NLRP11: variants seen among roughly 807,000 people sequenced by gnomAD.
The protein encoded by NLRP11 is NLR family pyrin domain containing 11.
In NLRP11, 53 loss-of-function variants were observed where a neutral mutation model predicts 79.3. The observed-to-expected ratio is 0.67, with a 90% CI of 0.54 to 0.84. The LOEUF (loss-of-function observed/expected upper bound fraction) is 0.84. NLRP11 is among the 40% of genes least tolerant of loss of function. The probability of loss-of-function intolerance (pLI) is 0.00; values close to 1 mark genes in which losing one functional copy is unlikely to be tolerated. For missense variants in NLRP11, 1,264 were observed against 1,255.0 expected (o/e 1.01, Z -0.11); for synonymous variants, 518 against 462.6 (o/e 1.12, Z -1.54).
In NLRP11 at chr19:55,809,355, A is replaced by C; in HGVS notation, c.1255T>G (p.Cys419Gly). ...ACATCAGCCTCAGTAAACCCAACAC[A>C]TCTGAGGTCTTCACCACTGAAATTC... The change falls in exon 3 of 10, where the codon TGT becomes GGT. Residue 419 changes from cysteine (C) to glycine (G), a missense_variant. By Grantham distance (159) the Cys-to-Gly change is radical. Coordinates refer to ENST00000589093, the Ensembl canonical transcript of NLRP11. This position sits in a 1 kb window ranked among gnomAD's most constrained non-coding sequence, Gnocchi z 4.5. 6.2e-7 allele frequency: 1 copy of C among 1,614,140 alleles called. No individual in the cohort carries two copies. The highest frequency in any genetic ancestry group is 8.5e-7 in the Non-Finnish European group (1 of 1,180,012).
rs11880692 is a variant in NLRP11 at position 55,809,233 on chromosome 19, G to A, written c.1377C>T (p.Ala459=). The change falls in exon 3 of 10, where the codon GCC becomes GCT. Residue 459 remains alanine (A), a synonymous_variant. Coordinates refer to ENST00000589093, the Ensembl canonical transcript of NLRP11. The surrounding 1 kb of genome is among the most constrained non-coding windows in gnomAD (Gnocchi z 4.5). ...TGGGTACTGCCATCAGAAATGCAAT[G>A]GCTGTACAAAACTCCTGGACGTTCA... 625 of 1,613,894 alleles carry A rather than the reference G, an allele frequency of 3.9e-4. 2 individuals are homozygous for A. In the African/African-American group the frequency reaches 7.3e-3, roughly 19 times the overall value.
chr19:55,804,261 G>A (rs1046330326), intron 4 of NLRP11, among the ~76,000 whole-genome samples: 2 of 152,106 alleles, frequency 1.3e-5, no homozygotes, highest in African/African-American at 4.8e-5. Context: ...TCCCATTACT[G>A]GGTATATACC....
intron 7 of NLRP11, among the ~76,000 whole-genome samples, chr19:55,791,532 CAT>C (rs1319009176): frequency 6.6e-6 from 1 of 152,174 alleles, no homozygotes; most frequent in Non-Finnish European, 1.5e-5. Flanking sequence ...GCTCACAAGC[CAT>C]AGTGTTGCTA....
At chr19:55,811,701 G>C (rs1035430446) in intron 2 of NLRP11, among the ~76,000 whole-genome samples, 6 of 152,118 alleles carry the variant, frequency 3.9e-5, no homozygotes, top group Non-Finnish European at 7.4e-5. Context: ...GAGATTCAAA[G>C]AAGCAGAAAG....
exon 3 of NLRP11, chr19:55,808,948 T>C: frequency 6.2e-7 from 1 of 1,614,126 alleles, no homozygotes; most frequent in South Asian, 1.1e-5. Context: ...CAAATTCTTC[T>C]TCCCGATTCT....
rs374801616 is a variant in NLRP11, at chr19:55,809,076, C to T, written c.1534G>A (p.Gly512Arg). Residue 512 changes from glycine to arginine, a missense_variant, in exon 3 of 10, where the codon GGA (glycine) becomes AGA (arginine). Gly to Arg is a moderately radical substitution (Grantham distance 125). Transcript: ENST00000589093. This position sits in a 1 kb window ranked among gnomAD's most constrained non-coding sequence, Gnocchi z 4.5. Reference sequence around the variant, plus strand: ...CTGTCTACCATCGGTAGCTGGTATCCAAAGGATGTCTCAAGAATCTTTCTC... The same window carrying T: ...CTGTCTACCATCGGTAGCTGGTATCTAAAGGATGTCTCAAGAATCTTTCTC... 5.0e-6 allele frequency: 8 copies of T among 1,613,712 alleles called. No homozygotes were observed. Among genetic ancestry groups the T allele is most frequent in the African/African-American group, 1.3e-5 (1 of 74,884 alleles).
chr19:55,822,648 TGACGGACG>T lies in NLRP11; in HGVS notation c.-62-4420_-62-4413del, dbSNP rs763542543. Among the ~76,000 whole-genome samples, 797 of 151,994 alleles carry T rather than the reference TGACGGACG, an allele frequency of 5.2e-3. 1 individual carries two copies. The highest frequency in any genetic ancestry group is 9.4e-3 in the Non-Finnish European group (636 of 67,966). On this transcript the variant is annotated intron_variant, in intron 1 of 9. Coordinates refer to ENST00000589093, the Ensembl canonical transcript of NLRP11. ...TCCCTTTCCGAGTCAAAGAAAGGGG[TGACGGACG>T]CACCTGGAAAATCGGGTCACTCCCA...
chr19:55,811,915 G>T (rs947252692), intron 2 of NLRP11, among the ~76,000 whole-genome samples: 1 of 151,474 alleles, frequency 6.6e-6, no homozygotes, highest in Non-Finnish European at 1.5e-5. Context: ...CCCAATCCAG[G>T]AGTCTCTTCA....
In NLRP11 at chr19:55,809,780, G is replaced by C; in HGVS notation, c.830C>G (p.Ser277Ter). ...TACATTATTCCCACGTGTGGGCCTT[G>C]AGGAGATGAGGAACCAGCAGCCTGG... Residue 277 changes from serine to a stop codon, truncating the protein, a stop_gained, in exon 3 of 10, where the codon TCA becomes TGA. Coordinates refer to ENST00000589093, the Ensembl canonical transcript of NLRP11. LOFTEE classifies it high-confidence loss of function. This position sits in a 1 kb window ranked among gnomAD's most constrained non-coding sequence, Gnocchi z 4.5. The C allele has an allele frequency of 6.2e-7, 1 of 1,614,094 alleles. No individual in the cohort carries two copies. Among genetic ancestry groups the C allele is most frequent in the Non-Finnish European group, 8.5e-7 (1 of 1,179,960 alleles).
intron 1 of NLRP11, among the ~76,000 whole-genome samples, chr19:55,827,900 G>C (rs1238985020): frequency 2.0e-5 from 3 of 151,556 alleles, no homozygotes; most frequent in African/African-American, 4.9e-5. Context: ...ATTTGACCCA[G>C]CCATCCCATT....
chr19:55,785,531 ACACACAC>A lies in NLRP11; in HGVS notation c.*87_*93del, dbSNP rs1989814619. 2.6e-6 allele frequency: 3 copies of A among 1,144,204 alleles called. No individual in the cohort carries two copies. The Admixed American group carries it at 6.2e-5, about 24-fold the overall frequency. The allele number at this position is 1,144,204 out of a possible 1,614,324, so 70.9% of individuals were successfully genotyped here. On this transcript the variant is annotated 3_prime_UTR_variant, in exon 10 of 10. Transcript: ENST00000589093. ...CACACACACACACACACACACACAC[ACACACAC>A]ATCAAATAGGAAAATTATAGTCCTA...
rs762054183 is a variant in NLRP11 at position 55,809,386 on chromosome 19, G to A, written c.1224C>T (p.Ser408=). 2.5e-6 allele frequency: 4 copies of A among 1,614,054 alleles called. No homozygotes were observed. In the African/African-American group the frequency reaches 4.0e-5, roughly 16 times the overall value. ...GGTCTTCACCACTGAAATTCAGGGT[G>A]CTCAGAAACAGTCCTCCTGCAGCCA... is the stretch of plus-strand genomic sequence containing the variant. Residue 408 remains serine, a synonymous_variant, in exon 3 of 10, where the codon AGC becomes AGT. Coordinates refer to ENST00000589093, the Ensembl canonical transcript of NLRP11. This position sits in a 1 kb window ranked among gnomAD's most constrained non-coding sequence, Gnocchi z 4.5.
chr19:55,788,811 C>T, exon 9 of NLRP11: 2 of 1,315,878 alleles, frequency 1.5e-6, no homozygotes, highest in Non-Finnish European at 2.1e-6. Context: ...ACTTACCCAA[C>T]TACCTTAAGT....
At chr19:55,804,096 G>GTATA (rs36090438) in intron 4 of NLRP11, among the ~76,000 whole-genome samples, 2 of 148,026 alleles carry the variant, frequency 1.4e-5, no homozygotes, top group East Asian at 2.0e-4. Flanking sequence ...AACAAATTAT[G>GTATA]TATATATATA....
chr19:55,820,785 T>C (rs1981615939), intron 1 of NLRP11, among the ~76,000 whole-genome samples: 1 of 152,220 alleles, frequency 6.6e-6, no homozygotes, highest in Non-Finnish European at 1.5e-5. Context: ...AAGATATTTA[T>C]AATATACTAT....
intron 4 of NLRP11, among the ~76,000 whole-genome samples, 157 bp downstream of exon 4, chr19:55,807,696 A>G (rs774513682): frequency 3.9e-5 from 6 of 152,194 alleles, no homozygotes; most frequent in Non-Finnish European, 8.8e-5. Flanking sequence ...TCTTTATCAT[A>G]GACACACTAA....
At chr19:55,817,925 T>G in exon 2 of NLRP11, 1 of 1,609,608 alleles carries the variant, frequency 6.2e-7, no homozygotes. Flanking sequence ...CCAATGATCT[T>G]CCTACAAAGA....
intron 5 of NLRP11, among the ~76,000 whole-genome samples, chr19:55,796,460 A>G (rs543610640): frequency 6.6e-6 from 1 of 152,238 alleles, no homozygotes; most frequent in African/African-American, 2.4e-5. Flanking sequence ...AAGGGCTGTG[A>G]GCAGGCAGTT....
In NLRP11 at chr19:55,817,820, G is replaced by GGAAAAAAAAAAA. The variant is rs1555803816; in HGVS notation, c.271+83_271+84insTTTTTTTTTTTC. ...CACCTGCTTCCCAGAAACCTATTTA[G>GGAAAAAAAAAAA]AAAAAAAAAAAAAAAAAGGCCCAAC... On this transcript the variant is annotated intron_variant, in intron 2 of 9. Coordinates refer to ENST00000589093, the Ensembl canonical transcript of NLRP11. 9.6e-6 allele frequency: 8 copies of GGAAAAAAAAAAA among 836,784 alleles called. 1 individual carries two copies. The highest frequency in any genetic ancestry group is 7.2e-4 in the Middle Eastern group (2 of 2,776). The allele number at this position is 836,784 out of a possible 1,614,324, so 51.8% of individuals were successfully genotyped here. A position where few individuals can be genotyped will look rare whatever the true frequency, so the allele number is the denominator to read the frequency against.
Sources: allele counts gnomAD v4.1 joint callset (sites outside exome capture counted in the v4.1 genomes callset), GRCh38; gene constraint gnomAD v4.1.1; non-coding constraint Gnocchi (gnomAD v3.1); transcripts MANE v1.5; gene names NCBI Gene and HGNC (gene_info 2026-07-23, HGNC 2026-07-21).